LMTK2: variants seen among roughly 807,000 people sequenced by gnomAD.
LMTK2 encodes serine/threonine-protein kinase LMTK2.
In LMTK2, 37 loss-of-function variants were observed where a neutral mutation model predicts 127.5. The ratio of observed to expected loss-of-function variants is 0.29; its 90% CI spans 0.22 to 0.38. The LOEUF (loss-of-function observed/expected upper bound fraction) is 0.38, where lower values mean the gene tolerates loss of function less well. LMTK2 is among the 10% of genes least tolerant of loss of function. The pLI is 1.00. For synonymous variants in LMTK2, 819 were observed against 810.1 expected, an observed-to-expected ratio of 1.01 and a Z score of -0.19; for missense variants, 1,694 against 1,920.3, an observed-to-expected ratio of 0.88 and a Z score of 2.20.
At chr7:98,111,311 A>G (rs1401592351) in intron 1 of LMTK2, among the ~76,000 whole-genome samples, 1 of 152,262 alleles carries the variant, frequency 6.6e-6, no homozygotes, top group Non-Finnish European at 1.5e-5. Context: ...ATATAATTTT[A>G]AAAAGACACT....
intron 3 of LMTK2, among the ~76,000 whole-genome samples, chr7:98,143,437 C>T (rs561820567): frequency 2.6e-5 from 4 of 152,246 alleles, no homozygotes; most frequent in African/African-American, 4.8e-5. Context: ...GTATTAAAAA[C>T]GGTTACATAT....
At chr7:98,150,751 G>A (rs36089712) in intron 3 of LMTK2, among the ~76,000 whole-genome samples, 244 of 152,088 alleles carry the variant, frequency 1.6e-3, no homozygotes, top group Middle Eastern at 6.8e-3. Flanking sequence ...CCATACCATC[G>A]AAAAAAGAGT....
chr7:98,140,142 CTTTTCTTTTCTTTTCT>C (rs1206915171), intron 2 of LMTK2, among the ~76,000 whole-genome samples: 75 of 67,096 alleles, frequency 1.1e-3, no homozygotes, highest in East Asian at 2.2e-3. Flanking sequence ...TTCTTTCTTT[CTTTTCTTTTCTTTTCT>C]TTTCTTTTCT....
At chr7:98,204,520 A>G (rs946276952) in intron 13 of LMTK2, among the ~76,000 whole-genome samples, 10 of 152,224 alleles carry the variant, frequency 6.6e-5, no homozygotes, top group African/African-American at 2.2e-4. Flanking sequence ...TCAGCTACTC[A>G]GGAGGCTGAG....
At chr7:98,203,920 T>TG (rs1200654340) in intron 12 of LMTK2, 24 bp from the exon 13 acceptor site, 2 of 1,610,258 alleles carry the variant, frequency 1.2e-6, no homozygotes, top group Non-Finnish European at 1.7e-6. Context: ...ATAAAAAGGG[T>TG]GGGGTTTTAT....
chr7:98,205,765 C>T lies in LMTK2; in HGVS notation c.*273C>T, dbSNP rs947273245. 2 of 539,822 alleles carry T rather than the reference C, an allele frequency of 3.7e-6. No homozygotes were observed. Among genetic ancestry groups the T allele is most frequent in the Non-Finnish European group, 6.7e-6 (2 of 298,618 alleles). 33.4% of individuals were successfully genotyped at this position (539,822 alleles called of 1,614,324 possible). ...TCCCAGGCAGTGCTCATGCGCTGGCCGTCGGGGGAGGCAGGGGCACAGCCT... is the reference window on the plus strand; with the variant it reads ...TCCCAGGCAGTGCTCATGCGCTGGCTGTCGGGGGAGGCAGGGGCACAGCCT... On this transcript the variant is annotated 3_prime_UTR_variant, in exon 14 of 14. Coordinates refer to ENST00000297293, the MANE Select transcript of LMTK2 (RefSeq NM_014916.4).
chr7:98,109,386 G>GGT (rs766324408), intron 1 of LMTK2, among the ~76,000 whole-genome samples: 8 of 152,020 alleles, frequency 5.3e-5, no homozygotes, highest in Non-Finnish European at 1.0e-4. Context: ...TTGTAGGATA[G>GGT]GTGTATATGT....
chr7:98,187,903 A>G (rs376719109), intron 9 of LMTK2, among the ~76,000 whole-genome samples: 91 of 152,178 alleles, frequency 6.0e-4, no homozygotes, highest in African/African-American at 2.1e-3. Flanking sequence ...GGCCCAGTGT[A>G]ATATTTTGAT....
intron 1 of LMTK2, among the ~76,000 whole-genome samples, chr7:98,130,188 G>A (rs1322793832): frequency 6.6e-6 from 1 of 152,122 alleles, no homozygotes; most frequent in Non-Finnish European, 1.5e-5. Context: ...CTGGCGGGGA[G>A]TGATGGAGTC....
In LMTK2 at chr7:98,138,570, G is replaced by A. The variant is rs1200631903; in HGVS notation, c.231+1128G>A. On this transcript the variant is annotated intron_variant, in intron 2 of 13. Transcript: ENST00000297293. ...TCACAACATCAGTCCCTAGGCCTTA[G>A]AACCCCTACACACACTGCTATGGCG... Among the ~76,000 whole-genome samples, 3 of 152,166 alleles carry A rather than the reference G, an allele frequency of 2.0e-5. No individual in the cohort carries two copies. In the East Asian group the frequency reaches 5.8e-4, roughly 29 times the overall value.
At chr7:98,162,872 G>A (rs1797035305) in intron 6 of LMTK2, among the ~76,000 whole-genome samples, 1 of 152,220 alleles carries the variant, frequency 6.6e-6, no homozygotes, top group South Asian at 2.1e-4. Context: ...GTAGCTGGGA[G>A]GTGGAAGTGG....
intron 9 of LMTK2, among the ~76,000 whole-genome samples, chr7:98,187,994 T>G (rs1289810527): frequency 6.6e-6 from 1 of 152,164 alleles, no homozygotes; most frequent in East Asian, 1.9e-4. Context: ...TTTCTTTTTG[T>G]TTTTGGGAAC....
intron 5 of LMTK2, among the ~76,000 whole-genome samples, chr7:98,158,680 A>G (rs1381935334): frequency 2.0e-5 from 3 of 152,260 alleles, no homozygotes; most frequent in South Asian, 2.1e-4. Context: ...AGGTATTACA[A>G]GTAATCTAGA....
In LMTK2 at chr7:98,134,240, A is replaced by C. The variant is rs78339027; in HGVS notation, c.104-3075A>C. On this transcript the variant is annotated intron_variant, in intron 1 of 13. Transcript: ENST00000297293. ...AATGAAATAATGCTGTATTTTATCAAATGTCAGATGAGGTTGATGATAAGT... is the reference window on the plus strand; with the variant it reads ...AATGAAATAATGCTGTATTTTATCACATGTCAGATGAGGTTGATGATAAGT... Among the ~76,000 whole-genome samples the C allele has an allele frequency of 2.1e-3, 316 of 152,298 alleles. 3 individuals are homozygous for C. Among genetic ancestry groups the C allele is most frequent in the African/African-American group, 7.3e-3 (304 of 41,548 alleles).
intron 5 of LMTK2, among the ~76,000 whole-genome samples, chr7:98,156,925 G>A (rs1796933618): frequency 6.6e-6 from 1 of 152,150 alleles, no homozygotes; most frequent in African/African-American, 2.4e-5. Context: ...CATTGTTGCA[G>A]GATCTGCTTT....
chr7:98,186,846 T>G, intron 8 of LMTK2, 31 bp from the exon 9 acceptor site: 1 of 1,597,056 alleles, frequency 6.3e-7, no homozygotes, highest in Non-Finnish European at 8.6e-7. Context: ...ATAATTCTAT[T>G]CAAAATTCTG....
rs1359709080 is a variant in LMTK2, at chr7:98,154,841, A to G, written c.534A>G (p.Glu178=). The change falls in exon 5 of 14, where the codon GAA becomes GAG. Residue 178 remains glutamate, a synonymous_variant. Transcript: ENST00000297293. ...TAAAAGCAAGTGCCAACCCAAAGGA[A>G]CAAGATACTTTTTTGAAAAATGGAG... ...KELKASANPK[E]QDTFLKNGEP... The G allele has an allele frequency of 6.2e-7, 1 of 1,612,770 alleles. No homozygotes were observed. The highest frequency in any genetic ancestry group is 8.5e-7 in the Non-Finnish European group (1 of 1,178,736).
At position 98,203,952 on chromosome 7, in the gene LMTK2, T is replaced by A; in HGVS notation, c.4249T>A (p.Phe1417Ile). ...TTATTTTTTATTTCTAGGTGGTGGC[T>A]TTGAGTGGGATGATGACTTCTCCCC... is the stretch of plus-strand genomic sequence containing the variant. The part of the protein sequence containing the change: ...ESSTDEEGGG[F>I]EWDDDFSPDP... The change falls in exon 13 of 14, where the codon TTT becomes ATT. Residue 1417 changes from phenylalanine to isoleucine, a missense_variant. Physicochemically the swap from Phe to Ile is conservative, Grantham distance 21 (BLOSUM62 0). Coordinates refer to ENST00000297293, the MANE Select transcript of LMTK2 (RefSeq NM_014916.4). 1 of 1,613,896 alleles carries A rather than the reference T, an allele frequency of 6.2e-7. No homozygotes were observed. Among genetic ancestry groups the A allele is most frequent in the Non-Finnish European group, 8.5e-7 (1 of 1,179,986 alleles).
At chr7:98,172,250 T>C (rs1471372536) in intron 7 of LMTK2, among the ~76,000 whole-genome samples, 1 of 151,898 alleles carries the variant, frequency 6.6e-6, no homozygotes, top group Non-Finnish European at 1.5e-5. Context: ...CAGCGATCTG[T>C]GTAGCACATT....
Sources: allele counts gnomAD v4.1 joint callset (sites outside exome capture counted in the v4.1 genomes callset), GRCh38; gene constraint gnomAD v4.1.1; transcripts MANE v1.5; gene names NCBI Gene and HGNC (gene_info 2026-07-23, HGNC 2026-07-21).